Variants in SLC25A48 observed in about 807,000 individuals in gnomAD.
SLC25A48 encodes solute carrier family 25 member 48.
Under a neutral mutation model 32.2 loss-of-function variants are expected in SLC25A48, and 29 were observed. The observed-to-expected ratio is 0.90, with a 90% CI of 0.67 to 1.23. The LOEUF is 1.23. Among genes scored for constraint, SLC25A48 ranks in the 50% most tolerant of loss-of-function variants. The pLI, the probability that SLC25A48 is intolerant of heterozygous loss-of-function variation, is 0.00. For missense variants in SLC25A48, 399 were observed against 422.7 expected (o/e 0.94, Z 0.49); for synonymous variants, 164 against 172.3 (o/e 0.95, Z 0.38).
chr5:135,658,388 G>A (rs961711241), intron 3 of SLC25A48, among the ~76,000 whole-genome samples: 1 of 152,166 alleles, frequency 6.6e-6, no homozygotes, highest in Non-Finnish European at 1.5e-5. Context: ...TGATGCTAAG[G>A]GTGGGCTCCC....
At chr5:135,839,995 G>A (rs1216703651) in intron 1 of SLC25A48, among the ~76,000 whole-genome samples, 1 of 152,114 alleles carries the variant, frequency 6.6e-6, no homozygotes, top group African/African-American at 2.4e-5. Flanking sequence ...AATTACCCAG[G>A]CTTGGGCATG....
chr5:135,695,759 C>T (rs1345174128), intron 3 of SLC25A48, among the ~76,000 whole-genome samples: 1 of 152,232 alleles, frequency 6.6e-6, no homozygotes, highest in Non-Finnish European at 1.5e-5. Context: ...CTGATGCTGG[C>T]CACATGTTTT....
At chr5:135,715,052 G>C (rs570797784) in intron 3 of SLC25A48, among the ~76,000 whole-genome samples, 2 of 152,274 alleles carry the variant, frequency 1.3e-5, no homozygotes, top group African/African-American at 4.8e-5. Flanking sequence ...AGCATTTCTG[G>C]GGCCGCATTG....
At chr5:135,803,315 A>G (rs560044641) in intron 3 of SLC25A48, among the ~76,000 whole-genome samples, 1 of 151,624 alleles carries the variant, frequency 6.6e-6, no homozygotes, top group East Asian at 1.9e-4. Context: ...AATCTGTGAT[A>G]TTATTCATAA....
chr5:135,840,717 G>A (rs1025027180), intron 1 of SLC25A48, among the ~76,000 whole-genome samples: 1 of 152,186 alleles, frequency 6.6e-6, no homozygotes, highest in African/African-American at 2.4e-5. Flanking sequence ...TTTTGGAGGT[G>A]CATCTATGCT....
chr5:135,752,278 A>T (rs1282432151), intron 3 of SLC25A48, among the ~76,000 whole-genome samples: 1 of 152,172 alleles, frequency 6.6e-6, no homozygotes, highest in African/African-American at 2.4e-5. Context: ...CATAATTGAT[A>T]AAAGACTTCC....
At chr5:135,862,592 G>T (rs1471479815) in intron 4 of SLC25A48, among the ~76,000 whole-genome samples, 1 of 152,214 alleles carries the variant, frequency 6.6e-6, no homozygotes, top group Non-Finnish European at 1.5e-5. Context: ...AATGAGAAAG[G>T]CCTCAGGAAA....
chr5:135,593,026 G>A (rs1456156721), intron 1 of SLC25A48, among the ~76,000 whole-genome samples: 1 of 152,104 alleles, frequency 6.6e-6, no homozygotes, highest in Non-Finnish European at 1.5e-5. Flanking sequence ...CCTGTCAGGG[G>A]AAATTCCCCA....
At chr5:135,584,680 T>G (rs1425544383) in intron 1 of SLC25A48, among the ~76,000 whole-genome samples, 1 of 152,218 alleles carries the variant, frequency 6.6e-6, no homozygotes, top group Admixed American at 6.5e-5. Context: ...AAATACCACA[T>G]GCAAAGCTAG....
chr5:135,647,293 G>C (rs933289968), intron 3 of SLC25A48, among the ~76,000 whole-genome samples: 1 of 152,094 alleles, frequency 6.6e-6, no homozygotes, highest in African/African-American at 2.4e-5. Flanking sequence ...GTCCTGTTCT[G>C]TTCCTTGATC....
intron 3 of SLC25A48, among the ~76,000 whole-genome samples, chr5:135,794,937 T>C (rs1757129741): frequency 8.9e-6 from 1 of 112,628 alleles, no homozygotes; most frequent in Admixed American, 9.5e-5. Context: ...TACTACCAAA[T>C]TCACATGGGG....
chr5:135,687,061 G>A (rs200511686), intron 3 of SLC25A48, among the ~76,000 whole-genome samples: 1 of 151,836 alleles, frequency 6.6e-6, no homozygotes, highest in African/African-American at 2.4e-5. Context: ...TTATTGGCTT[G>A]ACTCATCCAG....
intron 3 of SLC25A48, among the ~76,000 whole-genome samples, chr5:135,653,084 AAGAC>A (rs1291217064): frequency 2.0e-5 from 3 of 152,156 alleles, no homozygotes; most frequent in Non-Finnish European, 4.4e-5. Flanking sequence ...CTTCCATGGG[AAGAC>A]ATAGCAAGAA....
chr5:135,885,897 TG>T (rs1561567099), intron 7 of SLC25A48, among the ~76,000 whole-genome samples: 1 of 152,132 alleles, frequency 6.6e-6, no homozygotes, highest in African/African-American at 2.4e-5. Context: ...AGTGCAGAAA[TG>T]GAGGGGCAGA....
chr5:135,804,935 AG>A (rs911773037), intron 3 of SLC25A48, among the ~76,000 whole-genome samples: 8 of 151,408 alleles, frequency 5.3e-5, no homozygotes, highest in African/African-American at 1.9e-4. Flanking sequence ...TTTTTCTCTT[AG>A]TTTCACAGTA....
At chr5:135,757,298 C>G (rs1362326581) in intron 3 of SLC25A48, among the ~76,000 whole-genome samples, 4 of 149,464 alleles carry the variant, frequency 2.7e-5, no homozygotes, top group Non-Finnish European at 5.9e-5. Flanking sequence ...TGTTAACACA[C>G]TATGATATTA....
chr5:135,776,584 G>A (rs1198380290), intron 3 of SLC25A48, among the ~76,000 whole-genome samples: 2 of 121,442 alleles, frequency 1.6e-5, no homozygotes, highest in African/African-American at 2.5e-5. Flanking sequence ...ATTCAGTGAG[G>A]GAGAGGATGA....
At chr5:135,589,494 C>T (rs1359195015) in intron 1 of SLC25A48, among the ~76,000 whole-genome samples, 1 of 152,064 alleles carries the variant, frequency 6.6e-6, no homozygotes, top group Admixed American at 6.6e-5. Flanking sequence ...GGGCCAAGGC[C>T]CTGAAATATC....
chr5:135,767,537 A>G lies in SLC25A48; in HGVS notation c.-520-44986A>G, dbSNP rs115285969. On this transcript the variant is annotated intron_variant, in intron 3 of 10. Coordinates refer to the SLC25A48 transcript ENST00000646290. ...AATGATATTACTTTCAATATCGTAA[A>G]CACTCTGTGTACACCCTCTGTGATA... is the stretch of plus-strand genomic sequence containing the variant. 5.1e-3 allele frequency among the ~76,000 whole-genome samples: 778 copies of G among 152,008 alleles called. 2 individuals carry two copies. Among genetic ancestry groups the G allele is most frequent in the Non-Finnish European group, 9.0e-3 (611 of 67,928 alleles).
Sources: allele counts gnomAD v4.1 joint callset (sites outside exome capture counted in the v4.1 genomes callset), GRCh38; gene constraint gnomAD v4.1.1; transcripts MANE v1.5; gene names NCBI Gene and HGNC (gene_info 2026-07-23, HGNC 2026-07-21).